USP28: variants seen among roughly 807,000 people sequenced by gnomAD.
USP28 encodes ubiquitin specific peptidase 28.
A neutral mutation model predicts 145.0 loss-of-function variants in USP28; 113 were observed. That is an observed-to-expected ratio of 0.78 (90% CI 0.67 to 0.91). USP28 has a LOEUF of 0.91. Among genes scored for constraint, USP28 ranks in the 40% least tolerant of loss-of-function variants. The pLI is 0.00. For synonymous variants in USP28, 447 were observed against 450.9 expected (o/e 0.99, Z 0.11); for missense variants, 1,201 against 1,289.6 (o/e 0.93, Z 1.05).
chr11:113,825,197 C>T (rs995242092), intron 11 of USP28, among the ~76,000 whole-genome samples: 1 of 152,096 alleles, frequency 6.6e-6, no homozygotes, highest in African/African-American at 2.4e-5. Context: ...ACAGACAGAA[C>T]AGACTCCAGA....
Position 113,833,707 on chromosome 11 carries a change from C to G in USP28, c.622-150G>C. 2 of 682,060 alleles carry G rather than the reference C, an allele frequency of 2.9e-6. 1 individual carries two copies. Among genetic ancestry groups the G allele is most frequent in the South Asian group, 4.1e-5 (2 of 48,384 alleles). The allele number at this position is 682,060 out of a possible 1,614,324, so 42.3% of individuals were successfully genotyped here. Reference sequence around the variant, plus strand: ...CAGGGCTATGTGTGTTACAGGGACTCTGGTAAGGACTGTACTCTAAACTGA... The same window carrying G: ...CAGGGCTATGTGTGTTACAGGGACTGTGGTAAGGACTGTACTCTAAACTGA... On this transcript the variant is annotated intron_variant, in intron 6 of 24. Coordinates refer to ENST00000003302, the Ensembl canonical transcript of USP28.
At chr11:113,861,816 A>G (rs1475189394) in intron 1 of USP28, among the ~76,000 whole-genome samples, 1 of 152,212 alleles carries the variant, frequency 6.6e-6, no homozygotes, top group Non-Finnish European at 1.5e-5. Flanking sequence ...TTCTTTGAAT[A>G]CATGTTCCAA....
At chr11:113,838,841 C>T (rs1378480153) in intron 5 of USP28, among the ~76,000 whole-genome samples, 1 of 152,214 alleles carries the variant, frequency 6.6e-6, no homozygotes, top group African/African-American at 2.4e-5. Context: ...TAAGACAGTG[C>T]CAGGCACATA....
intron 1 of USP28, among the ~76,000 whole-genome samples, chr11:113,863,608 G>C (rs1164703537): frequency 6.9e-6 from 1 of 145,420 alleles, no homozygotes; most frequent in Non-Finnish European, 1.5e-5. Context: ...TTGTGCCACT[G>C]CGCTCCAGCC....
chr11:113,853,164 G>T (rs192925149), intron 2 of USP28, among the ~76,000 whole-genome samples: 1 of 151,764 alleles, frequency 6.6e-6, no homozygotes. Flanking sequence ...CTAGCCAGGC[G>T]TGAGTCCCAG....
chr11:113,808,306 G>C, exon 18 of USP28: 1 of 1,612,786 alleles, frequency 6.2e-7, no homozygotes, highest in Non-Finnish European at 8.5e-7. Flanking sequence ...ACCTCACTCA[G>C]TGCCGCTTCT....
At chr11:113,811,363 TACA>T (rs1940954270) in intron 16 of USP28, among the ~76,000 whole-genome samples, 1 of 152,210 alleles carries the variant, frequency 6.6e-6, no homozygotes, top group Admixed American at 6.5e-5. Flanking sequence ...GTAGTAGTAT[TACA>T]ACAACTGTGA....
intron 23 of USP28, among the ~76,000 whole-genome samples, chr11:113,801,970 C>A (rs765000767): frequency 6.6e-5 from 10 of 152,216 alleles, no homozygotes; most frequent in Non-Finnish European, 1.3e-4. Flanking sequence ...CCTGTTTCAA[C>A]CAAAGACCTG....
intron 3 of USP28, among the ~76,000 whole-genome samples, chr11:113,843,684 A>C (rs1159480436): frequency 6.6e-6 from 1 of 151,430 alleles, no homozygotes; most frequent in African/African-American, 2.4e-5. Flanking sequence ...AAAAAAAAAA[A>C]AAAAAACTAA....
At chr11:113,832,266 T>C (rs1225090545) in intron 7 of USP28, among the ~76,000 whole-genome samples, 1 of 152,046 alleles carries the variant, frequency 6.6e-6, no homozygotes, top group African/African-American at 2.4e-5. Context: ...CATGCCACCA[T>C]GCCTGGCTAA....
exon 7 of USP28, chr11:113,833,516 C>G (rs771535980): frequency 6.2e-7 from 1 of 1,614,138 alleles, no homozygotes. Flanking sequence ...TTAGAGCAAA[C>G]AAATACTGAA....
At chr11:113,822,458 C>G (rs1591254172) in intron 12 of USP28, 3 of 136,452 alleles carry the variant, frequency 2.2e-5, no homozygotes, top group African/African-American at 2.9e-5. Context: ...TCAAAAAAAA[C>G]AGAGAGAGAG....
intron 12 of USP28, among the ~76,000 whole-genome samples, chr11:113,822,208 T>C (rs1174661530): frequency 2.6e-5 from 4 of 152,014 alleles, no homozygotes; most frequent in South Asian, 2.1e-4. Context: ...TCCCAGGACT[T>C]TGGGAGGCTG....
At chr11:113,865,089 T>G (rs1056495694) in intron 1 of USP28, among the ~76,000 whole-genome samples, 5 of 152,080 alleles carry the variant, frequency 3.3e-5, no homozygotes, top group African/African-American at 1.2e-4. Context: ...ATCCCCCCCG[T>G]CTCGGCCTCT....
At chr11:113,859,961 A>T (rs1947477840) in intron 1 of USP28, among the ~76,000 whole-genome samples, 1 of 152,172 alleles carries the variant, frequency 6.6e-6, no homozygotes, top group South Asian at 2.1e-4. Context: ...ACTGCTACTC[A>T]GTGGTTTTGG....
At chr11:113,840,822 G>C in intron 4 of USP28, 65 bp from the exon 5 acceptor site, 1 of 1,520,344 alleles carries the variant, frequency 6.6e-7, no homozygotes, top group Non-Finnish European at 8.9e-7. Flanking sequence ...AGCATATGGA[G>C]GATGCTATAA....
At chr11:113,852,516 T>G (rs1340007226) in exon 3 of USP28, 1 of 1,614,174 alleles carries the variant, frequency 6.2e-7, no homozygotes, top group Non-Finnish European at 8.5e-7. Flanking sequence ...AATACTTCCT[T>G]GTTGGCAGCA....
chr11:113,829,898 T>C (rs1943799000), intron 9 of USP28, among the ~76,000 whole-genome samples: 1 of 150,292 alleles, frequency 6.7e-6, no homozygotes, highest in South Asian at 2.1e-4. Flanking sequence ...TTTCTCACCA[T>C]CTGTGAATAG....
chr11:113,852,237 C>A (rs969724396), intron 3 of USP28, among the ~76,000 whole-genome samples: 19 of 152,258 alleles, frequency 1.2e-4, no homozygotes, highest in African/African-American at 4.6e-4. Context: ...ACCGTGTTAG[C>A]CAGGATGGTC....
Sources: gnomAD v4.1 joint callset for allele counts (sites outside exome capture counted in the v4.1 genomes callset) on GRCh38, gnomAD v4.1.1 for gene constraint, MANE v1.5 for transcripts, NCBI Gene and HGNC (gene_info 2026-07-23, HGNC 2026-07-21) for gene names.